ADCY1: variants seen among roughly 807,000 people sequenced by gnomAD.
ADCY1 encodes the protein adenylate cyclase 1.
Under a neutral mutation model 105.4 loss-of-function variants are expected in ADCY1, and 28 were observed. The ratio of observed to expected loss-of-function variants is 0.27; its 90% CI spans 0.20 to 0.36. The LOEUF (loss-of-function observed/expected upper bound fraction) is 0.36. Ranked by LOEUF, ADCY1 falls within the 10% of genes least tolerant of loss-of-function variation. ADCY1 has a pLI of 1.00. For synonymous variants in ADCY1, 655 were observed against 623.8 expected (o/e 1.05, Z -0.75); for missense variants, 977 against 1,434.2 (o/e 0.68, Z 5.15).
chr7:45,628,345 C>T (rs935106053), intron 4 of ADCY1, among the ~76,000 whole-genome samples: 2 of 152,212 alleles, frequency 1.3e-5, no homozygotes, highest in African/African-American at 2.4e-5. Flanking sequence ...CCTCGGTTTC[C>T]GCCATCCATC....
At chr7:45,652,863 C>G (rs1251813542) in intron 5 of ADCY1, among the ~76,000 whole-genome samples, 1 of 152,184 alleles carries the variant, frequency 6.6e-6, no homozygotes, top group Non-Finnish European at 1.5e-5. Flanking sequence ...TCCTGGCCCT[C>G]TGGGAGCCAC....
intron 2 of ADCY1, among the ~76,000 whole-genome samples, chr7:45,601,965 A>G (rs1009162708): frequency 1.3e-5 from 2 of 152,116 alleles, no homozygotes; most frequent in South Asian, 2.1e-4. Context: ...AGATGCTCTC[A>G]GAAGTGACCA....
At chr7:45,660,541 G>A (rs957060978) in intron 7 of ADCY1, among the ~76,000 whole-genome samples, 2 of 152,216 alleles carry the variant, frequency 1.3e-5, no homozygotes, top group African/African-American at 2.4e-5. Context: ...GGGGTGCTGG[G>A]CACAGAGGTG....
intron 14 of ADCY1, among the ~76,000 whole-genome samples, chr7:45,702,076 G>A (rs973712797): frequency 1.1e-4 from 17 of 152,292 alleles, no homozygotes; most frequent in Admixed American, 6.5e-4. Flanking sequence ...CTCGTACCTG[G>A]CCCTCAAGGC....
chr7:45,688,738 T>C (rs1389525697), intron 14 of ADCY1, among the ~76,000 whole-genome samples: 1 of 152,138 alleles, frequency 6.6e-6, no homozygotes, highest in Non-Finnish European at 1.5e-5. Flanking sequence ...CACTGTATAA[T>C]AGCTTTATTG....
At chr7:45,638,254 G>A (rs1794445486) in intron 4 of ADCY1, among the ~76,000 whole-genome samples, 1 of 152,212 alleles carries the variant, frequency 6.6e-6, no homozygotes, top group Non-Finnish European at 1.5e-5. Flanking sequence ...GAGGGAGCCT[G>A]TAGCTCATTG....
rs183123864 is a variant in ADCY1 at position 45,644,050 on chromosome 7, A to G, written c.1021-4620A>G. Among the ~76,000 whole-genome samples the G allele has an allele frequency of 4.5e-3, 686 of 152,312 alleles. 12 individuals are homozygous for G. Among genetic ancestry groups the G allele is most frequent in the Middle Eastern group, 0.02 (6 of 294 alleles). On this transcript the variant is annotated intron_variant, in intron 4 of 19. Transcript: ENST00000297323. ...TATTTCGTTCTTCCACTGATAGCCA[A>G]ACACTCCAGTCTTACAAAGTTAATT...
chr7:45,683,564 G>A (rs1355411428), intron 11 of ADCY1, among the ~76,000 whole-genome samples: 1 of 152,184 alleles, frequency 6.6e-6, no homozygotes, highest in African/African-American at 2.4e-5. Flanking sequence ...AGGCAGGGTA[G>A]CAGGACTGGG....
chr7:45,692,639 AT>A (rs1242712723), intron 14 of ADCY1, among the ~76,000 whole-genome samples: 1 of 152,170 alleles, frequency 6.6e-6, no homozygotes, highest in African/African-American at 2.4e-5. Flanking sequence ...ATAATACTGT[AT>A]TGTGTACTTG....
intron 3 of ADCY1, 140 bp from the exon 4 acceptor site, chr7:45,622,492 C>T (rs1480217321): frequency 3.1e-6 from 2 of 644,600 alleles, no homozygotes; most frequent in African/African-American, 3.6e-5. Flanking sequence ...ACCAGGAAGC[C>T]TTCATTTCTG....
Position 45,685,063 on chromosome 7 carries a change from T to G in ADCY1, c.2068T>G (p.Cys690Gly). ...CTTAATCTACTCAGTAGCCCAAGGT[T>G]GTGTGGTGAGCATCTCCAGCTTGTG... Reference protein sequence around the residue: ...VVLIYSVAQGCVVGCLPWAWS... With the variant: ...VVLIYSVAQGGVVGCLPWAWS... The change falls in exon 12 of 20, where the codon TGT becomes GGT. Residue 690 changes from cysteine to glycine, a missense_variant. Coordinates refer to ENST00000297323, the MANE Select transcript of ADCY1 (RefSeq NM_021116.4). 1 of 1,613,770 alleles carries G rather than the reference T, an allele frequency of 6.2e-7. No homozygotes were observed. Among genetic ancestry groups the G allele is most frequent in the South Asian group, 1.1e-5 (1 of 91,058 alleles).
At chr7:45,643,255 G>A (rs1794573049) in intron 4 of ADCY1, among the ~76,000 whole-genome samples, 1 of 147,156 alleles carries the variant, frequency 6.8e-6, no homozygotes, top group African/African-American at 2.5e-5. Context: ...AGGCTTTTTA[G>A]GGCATTGAGA....
chr7:45,690,532 C>T (rs1204267110), intron 14 of ADCY1, among the ~76,000 whole-genome samples: 2 of 152,356 alleles, frequency 1.3e-5, no homozygotes, highest in East Asian at 3.9e-4. Flanking sequence ...TCCCCATTGG[C>T]CAAACCTGGC....
At chr7:45,707,595 TG>T (rs1340317493) in intron 17 of ADCY1, among the ~76,000 whole-genome samples, 1 of 152,200 alleles carries the variant, frequency 6.6e-6, no homozygotes, top group African/African-American at 2.4e-5. Flanking sequence ...ACTGTCATAG[TG>T]GATAAATGTC....
chr7:45,655,708 C>T (rs1300975455), intron 5 of ADCY1, among the ~76,000 whole-genome samples: 7 of 152,012 alleles, frequency 4.6e-5, no homozygotes, highest in Non-Finnish European at 8.8e-5. Flanking sequence ...GGAGGCTGGT[C>T]GAGGTGCCAC....
intron 14 of ADCY1, among the ~76,000 whole-genome samples, chr7:45,696,228 G>A (rs549769957): frequency 2.7e-3 from 404 of 150,274 alleles, no homozygotes; most frequent in Non-Finnish European, 2.9e-3. Flanking sequence ...CATGAGGTCA[G>A]GAGATCAAGA....
chr7:45,663,035 C>A (rs1795174245), intron 8 of ADCY1, among the ~76,000 whole-genome samples: 1 of 152,188 alleles, frequency 6.6e-6, no homozygotes, highest in Admixed American at 6.5e-5. Context: ...CAGGGCATGG[C>A]AGGCAGGTAG....
intron 3 of ADCY1, among the ~76,000 whole-genome samples, chr7:45,615,475 T>C (rs1298457198): frequency 6.6e-6 from 1 of 152,148 alleles, no homozygotes; most frequent in African/African-American, 2.4e-5. Flanking sequence ...GGCATGCACC[T>C]GTAGTCTCAG....
At chr7:45,635,288 A>G (rs1794370848) in intron 4 of ADCY1, among the ~76,000 whole-genome samples, 1 of 151,858 alleles carries the variant, frequency 6.6e-6, no homozygotes, top group Admixed American at 6.6e-5. Context: ...TTTGGCTACA[A>G]GTTTATCAAT....
Sources: gnomAD v4.1 joint callset for allele counts (sites outside exome capture counted in the v4.1 genomes callset) on GRCh38, gnomAD v4.1.1 for gene constraint, MANE v1.5 for transcripts, NCBI Gene and HGNC (gene_info 2026-07-23, HGNC 2026-07-21) for gene names.